ARPP21: variants seen among roughly 807,000 people sequenced by gnomAD.
The protein encoded by ARPP21 is cAMP regulated phosphoprotein 21, also known as cAMP-regulated phosphoprotein 21.
A neutral mutation model predicts 113.2 loss-of-function variants in ARPP21; 69 were observed. That is an observed-to-expected ratio of 0.61 (90% CI 0.50 to 0.74). The LOEUF is 0.74. ARPP21 is among the 30% of genes least tolerant of loss of function. The pLI is 0.00. For missense variants in ARPP21, 1,070 were observed against 1,037.4 expected, an observed-to-expected ratio of 1.03 and a Z score of -0.43; for synonymous variants, 368 against 375.5, an observed-to-expected ratio of 0.98 and a Z score of 0.23.
chr3:35,734,390 A>G (rs374600635), intron 15 of ARPP21, among the ~76,000 whole-genome samples: 3 of 152,350 alleles, frequency 2.0e-5, no homozygotes, highest in East Asian at 3.9e-4. Flanking sequence ...TTCAAAAAGA[A>G]TATTCATTTA....
intron 19 of ARPP21, among the ~76,000 whole-genome samples, chr3:35,751,394 C>T (rs746620748): frequency 6.6e-6 from 1 of 152,060 alleles, no homozygotes; most frequent in Admixed American, 6.6e-5. Context: ...CCTAAAAATG[C>T]ATAGTATTGC....
At chr3:35,739,681 T>C in intron 18 of ARPP21, 104 bp downstream of exon 18, 1 of 1,405,392 alleles carries the variant, frequency 7.1e-7, no homozygotes, top group Non-Finnish European at 9.6e-7. Flanking sequence ...CTCTTCCCTT[T>C]CTAGTCTATA....
At chr3:35,758,309 A>C (rs1313709284) in intron 19 of ARPP21, among the ~76,000 whole-genome samples, 1 of 152,048 alleles carries the variant, frequency 6.6e-6, no homozygotes, top group Non-Finnish European at 1.5e-5. Context: ...AAAGCTTTCA[A>C]ATCTCTCATG....
chr3:35,660,130 T>C (rs766094834), intron 1 of ARPP21, among the ~76,000 whole-genome samples: 33 of 152,150 alleles, frequency 2.2e-4, no homozygotes, highest in Admixed American at 9.2e-4. Context: ...CTTTTTGACA[T>C]AGAGCAAAGC....
At chr3:35,754,981 A>C (rs2095524808) in intron 19 of ARPP21, among the ~76,000 whole-genome samples, 1 of 152,054 alleles carries the variant, frequency 6.6e-6, no homozygotes. Flanking sequence ...CAAGAAAAGA[A>C]AGGTGGCAAG....
intron 3 of ARPP21, among the ~76,000 whole-genome samples, chr3:35,682,084 T>C (rs972143373): frequency 6.6e-6 from 1 of 151,876 alleles, no homozygotes. Flanking sequence ...GGGAAAAAAG[T>C]CATAGGAAAG....
chr3:35,714,998 G>T (rs1009306916), intron 11 of ARPP21: 1 of 154,286 alleles, frequency 6.5e-6, no homozygotes, highest in African/African-American at 2.4e-5. Context: ...TTTCAGGATT[G>T]TGGCTTTATG....
intron 4 of ARPP21, 21 bp downstream of exon 4, chr3:35,682,910 G>C (rs754691485): frequency 7.5e-5 from 119 of 1,589,604 alleles, no homozygotes; most frequent in Non-Finnish European, 9.2e-5. Flanking sequence ...TAACATTCTA[G>C]GTAGACCTGA....
intron 19 of ARPP21, among the ~76,000 whole-genome samples, chr3:35,766,365 CAA>C (rs2095977872): frequency 6.6e-6 from 1 of 151,976 alleles, no homozygotes; most frequent in Non-Finnish European, 1.5e-5. Context: ...TTGATGTAAA[CAA>C]GAGAGGCTTT....
intron 15 of ARPP21, among the ~76,000 whole-genome samples, chr3:35,731,142 T>C (rs1285877521): frequency 1.3e-5 from 2 of 152,174 alleles, no homozygotes; most frequent in Non-Finnish European, 2.9e-5. Flanking sequence ...TTTGAGTGGT[T>C]TGTTTTAAGC....
In ARPP21 at chr3:35,689,348, C is replaced by G; in HGVS notation, c.448C>G (p.His150Asp). 2.5e-6 allele frequency: 4 copies of G among 1,586,434 alleles called. No individual in the cohort carries two copies. Among genetic ancestry groups the G allele is most frequent in the Non-Finnish European group, 3.5e-6 (4 of 1,155,816 alleles). The change falls in exon 7 of 21, where the codon CAC becomes GAC. Residue 150 changes from histidine to aspartate, a missense_variant. Transcript: ENST00000684406. Reference sequence around the variant, plus strand: ...CACGGATTCTACAGGCATAGACTTACACGAGTTTCTGATTAACACATTAAA... The same window carrying G: ...CACGGATTCTACAGGCATAGACTTAGACGAGTTTCTGATTAACACATTAAA... ...EYTDSTGIDL[H>D]EFLINTLKNN... is the part of the protein sequence containing the mutation.
chr3:35,756,727 T>A (rs977879766), intron 19 of ARPP21, among the ~76,000 whole-genome samples: 1 of 152,092 alleles, frequency 6.6e-6, no homozygotes, highest in African/African-American at 2.4e-5. Flanking sequence ...GTTGTTGTTG[T>A]AATAGGTCCA....
intron 19 of ARPP21, among the ~76,000 whole-genome samples, chr3:35,790,702 C>T (rs1010063826): frequency 6.6e-6 from 1 of 152,110 alleles, no homozygotes; most frequent in African/African-American, 2.4e-5. Context: ...CTTAAATAGA[C>T]CTGCCAAGCA....
At chr3:35,651,498 A>C (rs1279620208) in intron 1 of ARPP21, among the ~76,000 whole-genome samples, 3 of 152,044 alleles carry the variant, frequency 2.0e-5, no homozygotes, top group African/African-American at 7.2e-5. Context: ...TTTAGCGCTG[A>C]AAGTAAGCAC....
At chr3:35,781,505 C>G (rs1378475) in intron 19 of ARPP21, 4 of 152,172 alleles carry the variant, frequency 2.6e-5, no homozygotes, top group Admixed American at 6.5e-5. Flanking sequence ...TTCCAGCCAG[C>G]TGAAAAGATA....
intron 5 of ARPP21, chr3:35,684,269 T>A: frequency 8.4e-7 from 1 of 1,186,554 alleles, no homozygotes. Context: ...GTGAATAAGG[T>A]GCATTTAACT....
chr3:35,693,253 T>TA (rs1206106024), intron 9 of ARPP21, among the ~76,000 whole-genome samples: 1 of 151,592 alleles, frequency 6.6e-6, no homozygotes, highest in African/African-American at 2.4e-5. Context: ...CATGCCTAAA[T>TA]AAAAAAGGCA....
rs1294194785 is a variant in ARPP21 at position 35,643,393 on chromosome 3, T to C, written c.-213+2995T>C. 2.0e-5 allele frequency among the ~76,000 whole-genome samples: 3 copies of C among 152,040 alleles called. No homozygotes were observed. In the East Asian group the frequency reaches 5.8e-4, roughly 29 times the overall value. ...AATACATCACAATGAGTTACTGTGA[T>C]TTTTTGTTTGTTTGTCTTTTTGACT... On this transcript the variant is annotated intron_variant, in intron 1 of 20. Coordinates refer to ENST00000684406, the MANE Select transcript of ARPP21 (RefSeq NM_001385562.1).
chr3:35,674,815 C>T (rs1272947442), intron 1 of ARPP21, among the ~76,000 whole-genome samples: 1 of 151,870 alleles, frequency 6.6e-6, no homozygotes, highest in Non-Finnish European at 1.5e-5. Context: ...AGATGATATG[C>T]TCAGGACATT....
Sources: gnomAD v4.1 joint callset for allele counts (sites outside exome capture counted in the v4.1 genomes callset) on GRCh38, gnomAD v4.1.1 for gene constraint, MANE v1.5 for transcripts, NCBI Gene and HGNC (gene_info 2026-07-23, HGNC 2026-07-21) for gene names.